PDCL2: variants seen among roughly 807,000 people sequenced by gnomAD.
PDCL2 encodes phosducin like 2.
In PDCL2, 23 loss-of-function variants were observed where a neutral mutation model predicts 30.3. That is an observed-to-expected ratio of 0.76 (90% CI 0.55 to 1.08). The LOEUF is 1.08. Ranked by LOEUF, PDCL2 falls within the 50% of genes least tolerant of loss-of-function variation. The pLI, the probability that PDCL2 is intolerant of heterozygous loss-of-function variation, is 0.00. For missense variants in PDCL2, 243 were observed against 282.3 expected (o/e 0.86, Z 1.00); for synonymous variants, 68 against 86.2 (o/e 0.79, Z 1.17).
At chr4:55,568,355 G>C (rs1732323464) in intron 4 of PDCL2, among the ~76,000 whole-genome samples, 1 of 152,148 alleles carries the variant, frequency 6.6e-6, no homozygotes, top group South Asian at 2.1e-4. Flanking sequence ...GTACAACCAG[G>C]TATTTTTAAA....
At chr4:55,582,090 T>A in intron 2 of PDCL2, 27 bp downstream of exon 2, 1 of 1,610,808 alleles carries the variant, frequency 6.2e-7, no homozygotes, top group East Asian at 2.2e-5. Flanking sequence ...ATTCCCATCA[T>A]CCAGCCCACC....
At chr4:55,585,085 A>G (rs527255594) in intron 1 of PDCL2, among the ~76,000 whole-genome samples, 1 of 152,270 alleles carries the variant, frequency 6.6e-6, no homozygotes, top group South Asian at 2.1e-4. Flanking sequence ...ATTGTGGTAC[A>G]TTATTCTTTT....
chr4:55,562,874 T>C (rs1732170688), intron 4 of PDCL2, among the ~76,000 whole-genome samples: 1 of 148,532 alleles, frequency 6.7e-6, no homozygotes, highest in African/African-American at 2.5e-5. Flanking sequence ...TACATTCAAC[T>C]GAGCATCAGT....
At chr4:55,577,215 G>A (rs532709311) in intron 3 of PDCL2, among the ~76,000 whole-genome samples, 1 of 152,272 alleles carries the variant, frequency 6.6e-6, no homozygotes, top group East Asian at 1.9e-4. Context: ...TCTTTTATAA[G>A]AGCATTAATC....
chr4:55,580,936 A>G (rs1188317068), intron 2 of PDCL2, 25 bp from the exon 3 acceptor site: 1 of 1,555,504 alleles, frequency 6.4e-7, no homozygotes, highest in African/African-American at 1.4e-5. Flanking sequence ...ATTATAGATT[A>G]TCAAATTGTT....
At chr4:55,561,319 T>C (rs1732127620) in intron 5 of PDCL2, among the ~76,000 whole-genome samples, 1 of 152,098 alleles carries the variant, frequency 6.6e-6, no homozygotes, top group South Asian at 2.1e-4. Flanking sequence ...CCCATCACTT[T>C]TGGAGGCTGA....
intron 1 of PDCL2, among the ~76,000 whole-genome samples, chr4:55,590,550 A>C (rs540953707): frequency 1.4e-5 from 2 of 147,948 alleles, no homozygotes; most frequent in East Asian, 4.0e-4. Context: ...GCAGTGGTGC[A>C]CTCTCAGCTC....
chr4:55,571,950 G>A (rs149750355), intron 3 of PDCL2, among the ~76,000 whole-genome samples: 100 of 151,844 alleles, frequency 6.6e-4, no homozygotes, highest in African/African-American at 2.3e-3. Flanking sequence ...CTAACTTCCC[G>A]CAATTTGATC....
At chr4:55,577,358 C>A (rs1732596646) in intron 3 of PDCL2, among the ~76,000 whole-genome samples, 1 of 152,188 alleles carries the variant, frequency 6.6e-6, no homozygotes, top group Non-Finnish European at 1.5e-5. Flanking sequence ...GACCACAGCA[C>A]CATCATTTAG....
chr4:55,569,941 G>A, intron 3 of PDCL2, 80 bp from the exon 4 acceptor site: 1 of 1,079,780 alleles, frequency 9.3e-7, no homozygotes, highest in African/African-American at 1.6e-5. Context: ...AACAATTTAG[G>A]GCAATGAATA....
At chr4:55,575,102 G>A (rs1206423109) in intron 3 of PDCL2, among the ~76,000 whole-genome samples, 1 of 152,150 alleles carries the variant, frequency 6.6e-6, no homozygotes, top group Admixed American at 6.6e-5. Context: ...CTCCCAATGT[G>A]GGGTCTTCCC....
At chr4:55,582,612 T>C (rs1732752028) in intron 1 of PDCL2, among the ~76,000 whole-genome samples, 1 of 152,110 alleles carries the variant, frequency 6.6e-6, no homozygotes, top group African/African-American at 2.4e-5. Context: ...TCCTTTTTTC[T>C]TTTTTTTATT....
At chr4:55,568,500 A>C (rs1176218700) in intron 4 of PDCL2, among the ~76,000 whole-genome samples, 1 of 152,230 alleles carries the variant, frequency 6.6e-6, no homozygotes, top group Non-Finnish European at 1.5e-5. Context: ...ATATGTATTC[A>C]TAAAAGATAT....
chr4:55,591,794 G>T (rs1733009116), intron 1 of PDCL2, among the ~76,000 whole-genome samples: 1 of 152,096 alleles, frequency 6.6e-6, no homozygotes, highest in Non-Finnish European at 1.5e-5. Context: ...TAACGTTGCC[G>T]CTCTATTAAG....
intron 3 of PDCL2, among the ~76,000 whole-genome samples, chr4:55,575,904 G>T (rs983586197): frequency 1.3e-5 from 2 of 152,048 alleles, no homozygotes; most frequent in Non-Finnish European, 2.9e-5. Flanking sequence ...AACACCAAGG[G>T]ACCTAGACCT....
intron 1 of PDCL2, among the ~76,000 whole-genome samples, chr4:55,588,662 T>C (rs1732923211): frequency 6.6e-6 from 1 of 152,136 alleles, no homozygotes; most frequent in Non-Finnish European, 1.5e-5. Flanking sequence ...ATTCACAAAG[T>C]CTAAGATAAG....
At chr4:55,566,781 G>C (rs1215285110) in intron 4 of PDCL2, among the ~76,000 whole-genome samples, 2 of 133,302 alleles carry the variant, frequency 1.5e-5, no homozygotes, top group Admixed American at 8.3e-5. Flanking sequence ...CTACTTTAGA[G>C]TGGCCCAGAA....
At chr4:55,564,002 A>C (rs542037527) in intron 4 of PDCL2, among the ~76,000 whole-genome samples, 90 of 152,346 alleles carry the variant, frequency 5.9e-4, no homozygotes, top group African/African-American at 2.1e-3. Flanking sequence ...TTTTCTCTAC[A>C]GTTGCAAATC....
intron 1 of PDCL2, 84 bp from the exon 2 acceptor site, chr4:55,582,321 C>A: frequency 7.2e-7 from 1 of 1,382,194 alleles, no homozygotes; most frequent in East Asian, 2.4e-5. Context: ...TGTAGCACTT[C>A]CAAGTATTCA....
Sources: gnomAD v4.1 joint callset for allele counts (sites outside exome capture counted in the v4.1 genomes callset) on GRCh38, gnomAD v4.1.1 for gene constraint, MANE v1.5 for transcripts, NCBI Gene and HGNC (gene_info 2026-07-23, HGNC 2026-07-21) for gene names.